TSPEAR: variants seen among roughly 807,000 people sequenced by gnomAD.
The protein encoded by TSPEAR is thrombospondin-type laminin G domain and EAR repeat-containing protein.
Under a neutral mutation model 71.6 loss-of-function variants are expected in TSPEAR, and 69 were observed. That is an observed-to-expected ratio of 0.96 (90% CI 0.79 to 1.18). TSPEAR has a LOEUF of 1.18. Ranked by LOEUF, TSPEAR falls within the 50% of genes most tolerant of loss-of-function variation. The pLI is 0.00. For synonymous variants in TSPEAR, 402 were observed against 387.2 expected (o/e 1.04, Z -0.45); for missense variants, 971 against 894.9 (o/e 1.09, Z -1.09).
At chr21:44,552,804 C>T (rs1011285398) in intron 2 of TSPEAR, among the ~76,000 whole-genome samples, 1 of 152,196 alleles carries the variant, frequency 6.6e-6, no homozygotes, top group Non-Finnish European at 1.5e-5. Flanking sequence ...GAACCTGGGG[C>T]CTCCAGCACG....
intron 2 of TSPEAR, chr21:44,551,272 C>T: frequency 1.2e-6 from 2 of 1,613,712 alleles, no homozygotes; most frequent in Non-Finnish European, 1.7e-6. Context: ...GCGCTGGGCT[C>T]ACAGGCCGCC....
intron 2 of TSPEAR, among the ~76,000 whole-genome samples, chr21:44,563,165 A>T (rs187348104): frequency 3.1e-4 from 47 of 152,284 alleles, no homozygotes; most frequent in Admixed American, 1.6e-3. Flanking sequence ...CACAGGAAAA[A>T]ATGAAGAGAA....
chr21:44,703,219 T>C (rs1177824662), intron 1 of TSPEAR, among the ~76,000 whole-genome samples: 2 of 152,240 alleles, frequency 1.3e-5, no homozygotes, highest in Non-Finnish European at 2.9e-5. Flanking sequence ...AACACACCCC[T>C]GGCTTCGGCA....
intron 2 of TSPEAR, among the ~76,000 whole-genome samples, chr21:44,542,249 A>G (rs782698594): frequency 6.6e-6 from 1 of 152,234 alleles, no homozygotes; most frequent in Non-Finnish European, 1.5e-5. Context: ...GAGATGAGGA[A>G]ATTTCAAGCC....
At chr21:44,558,822 T>C in intron 2 of TSPEAR, 1 of 1,395,236 alleles carries the variant, frequency 7.2e-7, no homozygotes, top group Non-Finnish European at 9.8e-7. Flanking sequence ...GGTCGGAACC[T>C]TTATACCCCT....
At chr21:44,577,916 A>G (rs974319977) in intron 1 of TSPEAR, among the ~76,000 whole-genome samples, 27 of 152,136 alleles carry the variant, frequency 1.8e-4, no homozygotes, top group African/African-American at 6.5e-4. Flanking sequence ...ACCTGGTGGG[A>G]GGTAATTGAA....
At chr21:44,550,784 G>T (rs782475643) in intron 2 of TSPEAR, 1 of 1,614,222 alleles carries the variant, frequency 6.2e-7, no homozygotes, top group Non-Finnish European at 8.5e-7. Flanking sequence ...AGGAGGGTCT[G>T]CAGCAGGAGG....
chr21:44,621,552 A>G (rs1478531307), intron 1 of TSPEAR, among the ~76,000 whole-genome samples: 2 of 152,194 alleles, frequency 1.3e-5, no homozygotes, highest in East Asian at 1.9e-4. Context: ...GTCCCCAGGT[A>G]ACATCCACGT....
chr21:44,668,097 A>C (rs1985882832), intron 1 of TSPEAR, among the ~76,000 whole-genome samples: 1 of 152,238 alleles, frequency 6.6e-6, no homozygotes, highest in Admixed American at 6.5e-5. Context: ...ATCCAAATTG[A>C]AAAGCAAGAA....
rs587750714 is a variant in TSPEAR at position 44,573,659 on chromosome 21, G to T, written c.83-5654C>A. 4.5e-6 allele frequency: 7 copies of T among 1,543,322 alleles called. 1 individual carries two copies. In the East Asian group the frequency reaches 1.4e-4, roughly 30 times the overall value. ...TCCTGTCTGGACAACATGCACCAAG[G>T]AGGAGTATAAAAGCCCCACAAACCC... On this transcript the variant is annotated intron_variant, in intron 1 of 11. Coordinates refer to ENST00000323084, the MANE Select transcript of TSPEAR (RefSeq NM_144991.3).
At chr21:44,526,086 A>G (rs1555914916) in intron 7 of TSPEAR, 3 of 407,138 alleles carry the variant, frequency 7.4e-6, no homozygotes, top group Non-Finnish European at 1.3e-5. Context: ...TTCTATTGCT[A>G]TCTGAAGGCA....
intron 1 of TSPEAR, among the ~76,000 whole-genome samples, chr21:44,692,998 C>T (rs551838890): frequency 5.9e-4 from 89 of 152,120 alleles, no homozygotes; most frequent in African/African-American, 2.1e-3. Flanking sequence ...GTGGTACTGG[C>T]CTAAGAACAG....
intron 1 of TSPEAR, among the ~76,000 whole-genome samples, chr21:44,685,594 G>A (rs149872493): frequency 0.048 from 7,307 of 152,216 alleles, 210 homozygotes; most frequent in Middle Eastern, 0.14. Context: ...GCACTTCTGA[G>A]GTGTGGTGTC....
intron 8 of TSPEAR, among the ~76,000 whole-genome samples, chr21:44,524,492 T>TAGTCAGGTAGTC (rs2052806312): frequency 6.6e-6 from 1 of 150,756 alleles, no homozygotes; most frequent in South Asian, 2.1e-4. Context: ...GTCAGGTAGT[T>TAGTCAGGTAGTC]AGTCAGGTAG....
At position 44,580,464 on chromosome 21, in the gene TSPEAR, G is replaced by C. The variant is rs78046190; in HGVS notation, c.83-12459C>G. The C allele has an allele frequency of 1.2e-3, 1,916 of 1,613,222 alleles. 25 individuals are homozygous for C. In the African/African-American group the frequency reaches 0.021, roughly 18 times the overall value. ...ACACAGCTCACTGGGGTGCAGACCA[G>C]GGTCAGGCAGGGGGCGGTGCCGCAG... On this transcript the variant is annotated intron_variant, in intron 1 of 11. Transcript: ENST00000323084.
At chr21:44,684,171 C>T (rs573233659) in intron 1 of TSPEAR, among the ~76,000 whole-genome samples, 68 of 152,308 alleles carry the variant, frequency 4.5e-4, no homozygotes, top group African/African-American at 1.4e-3. Flanking sequence ...GGAGACACAT[C>T]TTTAAAATGC....
chr21:44,582,275 G>C (rs1555925237), intron 1 of TSPEAR, among the ~76,000 whole-genome samples: 17 of 152,200 alleles, frequency 1.1e-4, no homozygotes, highest in Non-Finnish European at 2.5e-4. Flanking sequence ...CCTTGAAAGA[G>C]GACAGCTGGC....
intron 2 of TSPEAR, chr21:44,539,053 C>T (rs2053149067): frequency 1.1e-5 from 7 of 630,584 alleles, no homozygotes; most frequent in Middle Eastern, 4.3e-4. Context: ...CCAAGTGACC[C>T]AGAGCAGAGA....
Position 44,628,001 on chromosome 21 carries a change from C to A in TSPEAR, c.83-59996G>T, listed in dbSNP as rs587619554. On this transcript the variant is annotated intron_variant, in intron 1 of 11. Transcript: ENST00000323084. ...TCCCTTCTCTGCCGCCCTGTGTGCT[C>A]CCGCCCGGCCTGCTACAGCTTCTCC... is the stretch of plus-strand genomic sequence containing the variant. 9 of 1,611,040 alleles carry A rather than the reference C, an allele frequency of 5.6e-6. No homozygotes were observed. In the African/African-American group the frequency reaches 1.2e-4, roughly 21 times the overall value.
Sources: gnomAD v4.1 joint callset for allele counts (sites outside exome capture counted in the v4.1 genomes callset) on GRCh38, gnomAD v4.1.1 for gene constraint, MANE v1.5 for transcripts, NCBI Gene and HGNC (gene_info 2026-07-23, HGNC 2026-07-21) for gene names.